MIA2: variants seen among roughly 807,000 people sequenced by gnomAD.
The protein encoded by MIA2 is MIA SH3 domain ER export factor 2, also known as melanoma inhibitory activity protein 2.
Under a neutral mutation model 167.8 loss-of-function variants are expected in MIA2, and 127 were observed. The observed-to-expected ratio is 0.76, with a 90% CI of 0.66 to 0.88. The LOEUF (loss-of-function observed/expected upper bound fraction) is 0.88, where lower values mean the gene tolerates loss of function less well. Among genes scored for constraint, MIA2 ranks in the 40% least tolerant of loss-of-function variants. The pLI is 0.00. For missense variants in MIA2, 1,690 were observed against 1,624.7 expected (o/e 1.04, Z -0.69); for synonymous variants, 552 against 541.9 (o/e 1.02, Z -0.26).
chr14:39,306,683 A>G (rs1373896851), intron 17 of MIA2, among the ~76,000 whole-genome samples: 2 of 152,204 alleles, frequency 1.3e-5, no homozygotes. Context: ...TAAAATTTTC[A>G]TGCTTGTTAA....
intron 6 of MIA2, chr14:39,266,213 G>A: frequency 9.1e-6 from 9 of 985,442 alleles, no homozygotes; most frequent in Non-Finnish European, 1.1e-5. Flanking sequence ...AAGTACTTGA[G>A]TGAGAAGGCA....
chr14:39,292,397 G>A (rs10782392), intron 10 of MIA2, among the ~76,000 whole-genome samples: 130,023 of 152,168 alleles, frequency 0.85, 56,316 homozygotes, highest in East Asian at 0.96. Flanking sequence ...TTCAATTTCA[G>A]TAATTTTTTA....
At chr14:39,331,960 GT>G (rs764381676) in intron 25 of MIA2, among the ~76,000 whole-genome samples, 1 of 152,094 alleles carries the variant, frequency 6.6e-6, no homozygotes, top group African/African-American at 2.4e-5. Flanking sequence ...GAGTGTCTTT[GT>G]ATTTCGTGAA....
In MIA2 at chr14:39,291,007, G is replaced by C; in HGVS notation, c.2131-12G>C. 1.3e-6 allele frequency: 2 copies of C among 1,599,136 alleles called. No individual in the cohort carries two copies. Among genetic ancestry groups the C allele is most frequent in the Non-Finnish European group, 1.7e-6 (2 of 1,173,574 alleles). On this transcript the variant is annotated splice_polypyrimidine_tract_variant and intron_variant, in intron 9 of 28. Coordinates refer to ENST00000640607, the MANE Select transcript of MIA2 (RefSeq NM_001329214.4). ...TGGTAGAGTTTTTACTTGTGATGTT[G>C]CTTTGTTTCAGTATGAAGGCTATGA...
intron 23 of MIA2, among the ~76,000 whole-genome samples, chr14:39,364,765 A>G (rs1345568584): frequency 6.6e-6 from 1 of 151,648 alleles, no homozygotes; most frequent in Non-Finnish European, 1.5e-5. Flanking sequence ...TTAGCACTGC[A>G]ATATATTATC....
chr14:39,337,038 C>T (rs184572812), intron 25 of MIA2, among the ~76,000 whole-genome samples: 153 of 152,170 alleles, frequency 1.0e-3, no homozygotes, highest in African/African-American at 3.5e-3. Context: ...ATTACAGGCA[C>T]GAGCCATCGT....
At position 39,291,139 on chromosome 14, in the gene MIA2, A is replaced by G. The variant is rs377507981; in HGVS notation, c.2208+43A>G. 1.5e-3 allele frequency: 2,336 copies of G among 1,527,102 alleles called. 1 individual carries two copies. Among genetic ancestry groups the G allele is most frequent in the Non-Finnish European group, 1.9e-3 (2,189 of 1,128,686 alleles). The allele number at this position is 1,527,102 out of a possible 1,614,324, so 94.6% of individuals were successfully genotyped here. The stretch of plus-strand genomic sequence containing the variant: ...ATAATTTTAAAAGCTGGGGAAAAAA[A>G]TACTAAGTAACAAAAACTTTAAAAA... On this transcript the variant is annotated intron_variant, in intron 10 of 28. Transcript: ENST00000640607.
chr14:39,292,063 T>C (rs1018094788), intron 10 of MIA2, among the ~76,000 whole-genome samples: 13 of 152,228 alleles, frequency 8.5e-5, no homozygotes, highest in Admixed American at 5.9e-4. Flanking sequence ...AAGGAAGTTA[T>C]AAATTGGATT....
Position 39,319,246 on chromosome 14 carries a change from A to G in MIA2, c.3322A>G (p.Lys1108Glu). Residue 1108 changes from lysine to glutamate, a missense_variant, in exon 23 of 29, where the codon AAA (lysine) becomes GAA (glutamate). Physicochemically the swap from Lys to Glu is moderately conservative, Grantham distance 56. Transcript: ENST00000640607. ...AGAGCTTAAATTTGAACTTTTAGAAAAAGATCCTTATGCACTCGATGTTCC... is the reference window on the plus strand; with the variant it reads ...AGAGCTTAAATTTGAACTTTTAGAAGAAGATCCTTATGCACTCGATGTTCC... ...ETELKFELLE[K>E]DPYALDVPNT... 1 of 1,573,998 alleles carries G rather than the reference A, an allele frequency of 6.4e-7. No individual in the cohort carries two copies. The highest frequency in any genetic ancestry group is 8.6e-7 in the Non-Finnish European group (1 of 1,158,156).
chr14:39,250,613 T>C lies in MIA2; in HGVS notation c.1568-2135T>C, dbSNP rs559458979. Among the ~76,000 whole-genome samples, 39 of 151,870 alleles carry C rather than the reference T, an allele frequency of 2.6e-4. 2 individuals carry two copies. Among genetic ancestry groups the C allele is most frequent in the African/African-American group, 9.4e-4 (39 of 41,454 alleles). On this transcript the variant is annotated intron_variant, in intron 4 of 28. Transcript: ENST00000640607. ...TGGGAGGCTGAGGCATGAGAATCACTGGACCCCGGGAGGCGGAGGTTGCAG... is the reference window on the plus strand; with the variant it reads ...TGGGAGGCTGAGGCATGAGAATCACCGGACCCCGGGAGGCGGAGGTTGCAG...
chr14:39,331,856 C>T (rs2068959010), intron 25 of MIA2, among the ~76,000 whole-genome samples: 2 of 152,168 alleles, frequency 1.3e-5, no homozygotes. Context: ...TGTGGTTAAC[C>T]TGACCTTTCT....
intron 22 of MIA2, among the ~76,000 whole-genome samples, chr14:39,318,706 G>A (rs2152960141): frequency 6.6e-6 from 1 of 152,264 alleles, no homozygotes; most frequent in South Asian, 2.1e-4. Flanking sequence ...AAGTTTACGA[G>A]TAAGATAGTA....
At chr14:39,267,362 A>C in intron 6 of MIA2, 1 of 1,585,946 alleles carries the variant, frequency 6.3e-7, no homozygotes, top group Non-Finnish European at 8.5e-7. Context: ...CCGGGTGCGG[A>C]TTCGGGTTCC....
intron 25 of MIA2, among the ~76,000 whole-genome samples, chr14:39,343,724 T>C (rs2072562638): frequency 6.6e-6 from 1 of 152,228 alleles, no homozygotes. Flanking sequence ...CCTTACTTTC[T>C]GTAGTTCAGT....
chr14:39,328,493 G>A (rs12174724), intron 25 of MIA2, among the ~76,000 whole-genome samples: 3 of 152,026 alleles, frequency 2.0e-5, no homozygotes, highest in Non-Finnish European at 4.4e-5. Flanking sequence ...GTCAATTTTG[G>A]CTTTTGTTGC....
At chr14:39,266,740 G>A (rs989406406) in intron 6 of MIA2, 36 of 985,246 alleles carry the variant, frequency 3.7e-5, no homozygotes, top group Non-Finnish European at 4.0e-5. Flanking sequence ...GGGGTACGCC[G>A]CCGTCAGGAC....
intron 23 of MIA2, among the ~76,000 whole-genome samples, chr14:39,356,811 C>G (rs181283562): frequency 3.9e-5 from 6 of 152,194 alleles, no homozygotes; most frequent in Non-Finnish European, 8.8e-5. Context: ...CGTTATGTAC[C>G]CAGTAGTCAT....
At chr14:39,369,615 C>G (rs903886965) in intron 23 of MIA2, among the ~76,000 whole-genome samples, 1 of 152,182 alleles carries the variant, frequency 6.6e-6, no homozygotes, top group Admixed American at 6.5e-5. Flanking sequence ...TGGAAAACCT[C>G]TTATTTGTTG....
At chr14:39,293,474 GT>G (rs776176063) in intron 11 of MIA2, 93 bp downstream of exon 11, 3 of 876,428 alleles carry the variant, frequency 3.4e-6, no homozygotes, top group Non-Finnish European at 5.1e-6. Context: ...TTACATTATT[GT>G]AAAAAATGTA....
Sources: gnomAD v4.1 joint callset for allele counts (sites outside exome capture counted in the v4.1 genomes callset) on GRCh38, gnomAD v4.1.1 for gene constraint, MANE v1.5 for transcripts, NCBI Gene and HGNC (gene_info 2026-07-23, HGNC 2026-07-21) for gene names.